GLB1: variants seen among roughly 807,000 people sequenced by gnomAD.
GLB1 encodes beta-galactosidase.
In GLB1, 56 loss-of-function variants were observed where a neutral mutation model predicts 74.0. The observed-to-expected ratio is 0.76, with a 90% confidence interval of 0.61 to 0.94. The LOEUF is 0.94. Among genes scored for constraint, GLB1 ranks in the 40% least tolerant of loss-of-function variants. The pLI, the probability that GLB1 is intolerant of heterozygous loss-of-function variation, is 0.00. For synonymous variants in GLB1, 323 were observed against 323.6 expected (o/e 1.00, Z 0.02); for missense variants, 787 against 845.5 (o/e 0.93, Z 0.86).
chr3:33,081,782 C>T (rs997519677), intron 1 of GLB1, among the ~76,000 whole-genome samples: 1 of 152,222 alleles, frequency 6.6e-6, no homozygotes, highest in African/African-American at 2.4e-5. Context: ...CCAGGAGTGA[C>T]CTTATGCAGT....
At chr3:33,071,684 TCTC>T (rs146201451) in intron 2 of GLB1, among the ~76,000 whole-genome samples, 1,771 of 152,114 alleles carry the variant, frequency 0.012, 42 homozygotes, top group African/African-American at 0.039. Flanking sequence ...TCTCTGGCCT[TCTC>T]CTGCTCTTCT....
chr3:33,090,759 C>G (rs1268873291), intron 1 of GLB1: 2 of 985,284 alleles, frequency 2.0e-6, no homozygotes, highest in Non-Finnish European at 2.4e-6. Context: ...ATACAAACCA[C>G]ATACGAGAGG....
chr3:33,024,440 T>C, intron 10 of GLB1, 115 bp from the exon 11 acceptor site: 1 of 1,181,040 alleles, frequency 8.5e-7, no homozygotes, highest in Non-Finnish European at 1.2e-6. Context: ...GTGCCACTGC[T>C]TTTTTGGAAA....
chr3:32,980,105 C>G, the GLB1 span, among the ~76,000 whole-genome samples: 2 of 152,054 alleles, frequency 1.3e-5, no homozygotes, highest in African/African-American at 4.8e-5. Context: ...TTGAAATATT[C>G]AATACATTAT....
At chr3:33,074,371 AG>A (rs1315118840) in intron 1 of GLB1, among the ~76,000 whole-genome samples, 3 of 131,914 alleles carry the variant, frequency 2.3e-5, no homozygotes, top group African/African-American at 8.3e-5. Context: ...GAAGGAAGGA[AG>A]GAAGGAAGGA....
At chr3:33,092,559 C>T (rs1309049856) in intron 1 of GLB1, 6 of 1,205,606 alleles carry the variant, frequency 5.0e-6, no homozygotes, top group Non-Finnish European at 6.2e-6. Context: ...CCCCATTCCA[C>T]ATCATCTGGA....
At chr3:33,045,937 T>C (rs1314640045) in intron 10 of GLB1, 183 bp downstream of exon 10, 6 of 942,768 alleles carry the variant, frequency 6.4e-6, no homozygotes. Flanking sequence ...TATAAGCATC[T>C]GCTCATAGAC....
downstream of GLB1, among the ~76,000 whole-genome samples, chr3:32,994,182 T>C (rs1696268039): frequency 6.6e-6 from 1 of 152,054 alleles, no homozygotes; most frequent in Non-Finnish European, 1.5e-5. Context: ...CAAGTACCCA[T>C]CAGCTGGCAA....
chr3:33,068,225 C>A lies in GLB1; in HGVS notation c.457+5G>T, dbSNP rs755219624. 6.2e-7 allele frequency: 1 copy of A among 1,614,032 alleles called. No individual in the cohort carries two copies. The highest frequency in any genetic ancestry group is 1.3e-5 in the African/African-American group (1 of 75,070). On this transcript the variant is annotated splice_donor_5th_base_variant and intron_variant, in intron 4 of 15. Coordinates refer to ENST00000307363, the MANE Select transcript of GLB1 (RefSeq NM_000404.4). Reference sequence around the variant, plus strand: ...AATCTTCTCAAGACATCTGTAACAACCTACCTGGGTCGGAGGAGCGGAGAA... The same window carrying A: ...AATCTTCTCAAGACATCTGTAACAAACTACCTGGGTCGGAGGAGCGGAGAA...
chr3:33,013,121 C>T (rs892066541), intron 15 of GLB1, among the ~76,000 whole-genome samples: 1 of 152,190 alleles, frequency 6.6e-6, no homozygotes, highest in Non-Finnish European at 1.5e-5. Context: ...ACATTTTCCC[C>T]TCCAACCCCA....
chr3:33,022,564 A>ATTTGTTTTTTTTTTTTTTTTTTT (rs1697539049), intron 11 of GLB1, among the ~76,000 whole-genome samples: 1 of 63,744 alleles, frequency 1.6e-5, no homozygotes, highest in Non-Finnish European at 2.9e-5. Context: ...ACTGGTTAGG[A>ATTTGTTTTTTTTTTTTTTTTTTT]TTTTTTTTTT....
At chr3:33,071,657 T>C (rs1308033027) in intron 2 of GLB1, among the ~76,000 whole-genome samples, 1 of 152,160 alleles carries the variant, frequency 6.6e-6, no homozygotes, top group Non-Finnish European at 1.5e-5. Context: ...CGGAAGGCCT[T>C]AGAAGCAAAT....
chr3:33,009,158 A>AAATAAATAAATAAAT (rs1559379929), intron 15 of GLB1, among the ~76,000 whole-genome samples: 10 of 92,238 alleles, frequency 1.1e-4, no homozygotes, highest in Admixed American at 3.8e-4. Context: ...AATAAATAAA[A>AAATAAATAAATAAAT]AAGATTGTGG....
chr3:33,053,724 G>C (rs548826500), intron 6 of GLB1, among the ~76,000 whole-genome samples, 175 bp from the exon 7 acceptor site: 1 of 152,350 alleles, frequency 6.6e-6, no homozygotes, highest in East Asian at 1.9e-4. Context: ...AACAGGTGAG[G>C]CCACTGGAAG....
intron 1 of GLB1, chr3:33,092,903 G>C: frequency 6.2e-7 from 1 of 1,614,208 alleles, no homozygotes; most frequent in Non-Finnish European, 8.5e-7. Context: ...GTATCCCGTA[G>C]TAGGCTGTGC....
intron 14 of GLB1, among the ~76,000 whole-genome samples, chr3:33,014,771 A>G (rs1393421810): frequency 1.3e-5 from 2 of 152,184 alleles, no homozygotes; most frequent in East Asian, 1.9e-4. Context: ...GTTCAAGACC[A>G]ACCTGGCCAA....
intron 1 of GLB1, among the ~76,000 whole-genome samples, chr3:33,084,648 A>G (rs1179021042): frequency 1.3e-5 from 2 of 152,184 alleles, no homozygotes; most frequent in Non-Finnish European, 2.9e-5. Flanking sequence ...ATCCTCACGG[A>G]CTCTGGACAT....
chr3:33,035,346 C>T (rs571896891), intron 10 of GLB1, among the ~76,000 whole-genome samples: 250 of 152,062 alleles, frequency 1.6e-3, no homozygotes, highest in Non-Finnish European at 2.9e-3. Flanking sequence ...GCAGGAGGAC[C>T]GCTTGAGTCC....
In GLB1 at chr3:33,063,047, C is replaced by T. The variant is rs1202114291; in HGVS notation, c.552+2416G>A. Among the ~76,000 whole-genome samples, 3 of 152,078 alleles carry T rather than the reference C, an allele frequency of 2.0e-5. 1 individual carries two copies. Among genetic ancestry groups the T allele is most frequent in the East Asian group, 1.9e-4 (1 of 5,184 alleles). On this transcript the variant is annotated intron_variant, in intron 5 of 15. Transcript: ENST00000307363. Reference sequence around the variant, plus strand: ...GACAGTGACGGTTCTGAAAGTCCTACGGAAGCCAATATGTCAACTGGGATG... The same window carrying T: ...GACAGTGACGGTTCTGAAAGTCCTATGGAAGCCAATATGTCAACTGGGATG...
Sources: allele counts gnomAD v4.1 joint callset (sites outside exome capture counted in the v4.1 genomes callset), GRCh38; gene constraint gnomAD v4.1.1; transcripts MANE v1.5; gene names NCBI Gene and HGNC (gene_info 2026-07-23, HGNC 2026-07-21).